The following MEGF11 variants were observed in gnomAD, a reference collection of about 807,000 sequenced individuals.
MEGF11 encodes multiple epidermal growth factor-like domains protein 11.
In MEGF11, 126 loss-of-function variants were observed where a neutral mutation model predicts 146.6. The observed-to-expected ratio is 0.86, with a 90% CI of 0.74 to 1.00. The LOEUF is 1.00. Among genes scored for constraint, MEGF11 ranks in the 50% least tolerant of loss-of-function variants. The pLI is 0.00. For missense variants in MEGF11, 1,509 were observed against 1,521.2 expected, an observed-to-expected ratio of 0.99 and a Z score of 0.13; for synonymous variants, 532 against 583.4, an observed-to-expected ratio of 0.91 and a Z score of 1.27.
At chr15:66,006,886 C>A (rs1253724860) in intron 5 of MEGF11, among the ~76,000 whole-genome samples, 2 of 152,218 alleles carry the variant, frequency 1.3e-5, no homozygotes, top group African/African-American at 2.4e-5. Flanking sequence ...GACCTTCATG[C>A]TTTCCCTTGG....
At chr15:66,221,715 T>C (rs140461987) in intron 1 of MEGF11, among the ~76,000 whole-genome samples, 90 of 152,194 alleles carry the variant, frequency 5.9e-4, no homozygotes, top group African/African-American at 2.0e-3. Context: ...TTAACATTTT[T>C]CCCTAAAGAA....
intron 1 of MEGF11, among the ~76,000 whole-genome samples, chr15:66,207,073 C>T (rs1426456619): frequency 1.3e-5 from 2 of 151,926 alleles, no homozygotes; most frequent in African/African-American, 4.8e-5. Flanking sequence ...CGCCATGAAG[C>T]ATGTCAATAC....
chr15:65,959,824 A>AT (rs2080795730), intron 9 of MEGF11, among the ~76,000 whole-genome samples: 1 of 152,214 alleles, frequency 6.6e-6, no homozygotes, highest in South Asian at 2.1e-4. Context: ...CACAGATGGC[A>AT]TTTAGAGGTT....
At chr15:66,198,357 A>G (rs994345086) in intron 1 of MEGF11, among the ~76,000 whole-genome samples, 1 of 152,212 alleles carries the variant, frequency 6.6e-6, no homozygotes, top group Non-Finnish European at 1.5e-5. Flanking sequence ...CATTTCTCTG[A>G]TCGCGCACAA....
chr15:65,924,194 G>A (rs1368664320), intron 13 of MEGF11, among the ~76,000 whole-genome samples: 1 of 151,992 alleles, frequency 6.6e-6, no homozygotes, highest in Admixed American at 6.5e-5. Flanking sequence ...GGGAGGGAGG[G>A]TGGAACCACC....
At chr15:66,123,846 C>T (rs1013769280) in intron 3 of MEGF11, 53 bp downstream of exon 3, 1 of 1,465,344 alleles carries the variant, frequency 6.8e-7, no homozygotes, top group African/African-American at 1.4e-5. Flanking sequence ...CAGAGGCAAG[C>T]CCTGAGAGCC....
intron 5 of MEGF11, among the ~76,000 whole-genome samples, chr15:66,050,483 C>G (rs1231532451): frequency 6.6e-6 from 1 of 152,138 alleles, no homozygotes; most frequent in Non-Finnish European, 1.5e-5. Flanking sequence ...CCTGAGAGAC[C>G]TGCCATGTGC....
At chr15:66,123,043 A>G (rs972752055) in intron 3 of MEGF11, among the ~76,000 whole-genome samples, 2 of 152,174 alleles carry the variant, frequency 1.3e-5, no homozygotes, top group African/African-American at 4.8e-5. Context: ...TCGGCCTCCC[A>G]AAGTGCTGGG....
chr15:66,007,607 A>G (rs2082557822), intron 5 of MEGF11, among the ~76,000 whole-genome samples: 1 of 152,122 alleles, frequency 6.6e-6, no homozygotes, highest in Admixed American at 6.6e-5. Flanking sequence ...AAAATTAGCC[A>G]AGCATGGTGG....
chr15:66,223,266 T>TTA (rs1165130142), intron 1 of MEGF11, among the ~76,000 whole-genome samples: 1 of 152,006 alleles, frequency 6.6e-6, no homozygotes, highest in Non-Finnish European at 1.5e-5. Flanking sequence ...ATGATTCCAT[T>TTA]TATATGAATT....
chr15:66,052,450 G>GA (rs1252684537), intron 5 of MEGF11, among the ~76,000 whole-genome samples: 1 of 152,182 alleles, frequency 6.6e-6, no homozygotes. Context: ...AAAGCACATA[G>GA]AGGTTCTTGT....
In MEGF11 at chr15:66,037,655, G is replaced by C. The variant is rs147599152; in HGVS notation, c.395-55167C>G. 2.7e-3 allele frequency among the ~76,000 whole-genome samples: 413 copies of C among 152,242 alleles called. 3 individuals are homozygous for C. Among genetic ancestry groups the C allele is most frequent in the African/African-American group, 9.7e-3 (402 of 41,538 alleles). Reference sequence around the variant, plus strand: ...GCAAGAAGCTCTGAAACTCAATTGGGGCAGCTCTCTTCCATCAGAACAGGT... The same window carrying C: ...GCAAGAAGCTCTGAAACTCAATTGGCGCAGCTCTCTTCCATCAGAACAGGT... On this transcript the variant is annotated intron_variant, in intron 5 of 25. Coordinates refer to ENST00000395614, the MANE Select transcript of MEGF11 (RefSeq NM_001385028.1).
At chr15:65,935,022 A>G (rs79164400) in intron 10 of MEGF11, among the ~76,000 whole-genome samples, 20,462 of 152,170 alleles carry the variant, frequency 0.13, 1,658 homozygotes, top group Non-Finnish European at 0.19. Flanking sequence ...TAGCCCATCA[A>G]TTAGAAGCAC....
At chr15:66,133,784 A>C (rs2088766324) in intron 1 of MEGF11, among the ~76,000 whole-genome samples, 1 of 151,966 alleles carries the variant, frequency 6.6e-6, no homozygotes, top group Non-Finnish European at 1.5e-5. Context: ...CCTGTACTTA[A>C]AAAAAAAGAA....
Position 65,930,823 on chromosome 15 carries a change from C to G in MEGF11, c.1408G>C (p.Gly470Arg). Reference sequence around the variant, plus strand: ...GGGCTTGGGAGAGAGGGCACATTACCTTCCTTGCAGGTACAGGAGCCATCT... The same window carrying G: ...GGGCTTGGGAGAGAGGGCACATTACGTTCCTTGCAGGTACAGGAGCCATCT... ...PVDGSCTCKEGWQGLDCTLPC... is the reference protein window; with the variant it reads ...PVDGSCTCKERWQGLDCTLPC... Residue 470 changes from glycine to arginine, a missense_variant and splice_region_variant, in exon 11 of 26, where the codon GGG becomes CGG. Transcript: ENST00000395614. The G allele has an allele frequency of 6.2e-7, 1 of 1,605,418 alleles. No individual in the cohort carries two copies. The highest frequency in any genetic ancestry group is 1.1e-5 in the South Asian group (1 of 89,732).
intron 10 of MEGF11, among the ~76,000 whole-genome samples, chr15:65,939,265 G>A (rs778637580): frequency 1.3e-5 from 2 of 152,188 alleles, no homozygotes; most frequent in Non-Finnish European, 2.9e-5. Flanking sequence ...TTTGTTGGAG[G>A]AGTAGGTGGG....
At chr15:65,912,521 T>C (rs752471710) in intron 20 of MEGF11, 46 of 185,140 alleles carry the variant, frequency 2.5e-4, no homozygotes, top group Non-Finnish European at 4.4e-4. Flanking sequence ...AGTCCCTATT[T>C]AGGGCTGGAC....
chr15:66,010,597 T>G (rs998800716), intron 5 of MEGF11, among the ~76,000 whole-genome samples: 2 of 152,176 alleles, frequency 1.3e-5, no homozygotes, highest in Non-Finnish European at 2.9e-5. Flanking sequence ...ACAGCTCTAT[T>G]GAATAGAGTG....
chr15:66,190,310 C>T (rs766205200), intron 1 of MEGF11, among the ~76,000 whole-genome samples: 8 of 152,102 alleles, frequency 5.3e-5, no homozygotes, highest in Non-Finnish European at 7.4e-5. Context: ...CTATGTTGCC[C>T]GGGCTGGTCT....
Sources: gnomAD v4.1 joint callset for allele counts (sites outside exome capture counted in the v4.1 genomes callset) on GRCh38, gnomAD v4.1.1 for gene constraint, MANE v1.5 for transcripts, NCBI Gene and HGNC (gene_info 2026-07-23, HGNC 2026-07-21) for gene names.